TG: variants seen among roughly 807,000 people sequenced by gnomAD.
TG encodes thyroid hormones.
In TG, 270 loss-of-function variants were observed where a neutral mutation model predicts 324.7. That is an observed-to-expected ratio of 0.83 (90% CI 0.75 to 0.92). The LOEUF is 0.92. TG is among the 40% of genes least tolerant of loss of function. TG has a pLI of 0.00. For missense variants in TG, 3,591 were observed against 3,456.4 expected, an observed-to-expected ratio of 1.04 and a Z score of -0.98; for synonymous variants, 1,401 against 1,327.0, an observed-to-expected ratio of 1.06 and a Z score of -1.21.
chr8:132,878,652 T>C (rs1814207860), intron 5 of TG, among the ~76,000 whole-genome samples: 1 of 151,410 alleles, frequency 6.6e-6, no homozygotes. Context: ...CTCCAGGTGC[T>C]GTATTTCAGA....
intron 10 of TG, among the ~76,000 whole-genome samples, chr8:132,888,855 C>T (rs942829204): frequency 6.6e-6 from 1 of 152,194 alleles, no homozygotes; most frequent in Admixed American, 6.5e-5. Context: ...TGTGTGCAAG[C>T]ATCTTCATCT....
rs150194511 is a variant in TG, at chr8:132,977,933, G to A, written c.6199+5192G>A. ...CACCTTGGAAGCACAGAGGGTAGAAGTCCCTGCCCACAAAGGGTTGACAGT... is the reference window on the plus strand; with the variant it reads ...CACCTTGGAAGCACAGAGGGTAGAAATCCCTGCCCACAAAGGGTTGACAGT... On this transcript the variant is annotated intron_variant, in intron 34 of 47. Coordinates refer to ENST00000220616, the MANE Select transcript of TG (RefSeq NM_003235.5). Among the ~76,000 whole-genome samples the A allele has an allele frequency of 2.9e-4, 44 of 152,346 alleles. No homozygotes were observed. In the East Asian group the frequency reaches 8.5e-3, roughly 29 times the overall value.
intron 5 of TG, among the ~76,000 whole-genome samples, chr8:132,876,489 C>A (rs1404621940): frequency 2.0e-5 from 3 of 152,118 alleles, no homozygotes; most frequent in Non-Finnish European, 4.4e-5. Flanking sequence ...CCTGGGGCCA[C>A]CAGAAGGCTG....
At chr8:132,965,714 C>G (rs1410221932) in intron 29 of TG, among the ~76,000 whole-genome samples, 5 of 152,214 alleles carry the variant, frequency 3.3e-5, no homozygotes, top group Non-Finnish European at 5.9e-5. Context: ...ACAAGCTGCA[C>G]TAGCTGGGTG....
At chr8:132,905,575 T>G (rs1253813914) in intron 16 of TG, among the ~76,000 whole-genome samples, 2 of 152,012 alleles carry the variant, frequency 1.3e-5, no homozygotes, top group Non-Finnish European at 2.9e-5. Flanking sequence ...TCACGATGAG[T>G]GTGTTTGCTC....
intron 27 of TG, among the ~76,000 whole-genome samples, chr8:132,957,764 C>CACACACACACACACACACACACACACAG: frequency 1.5e-5 from 2 of 135,416 alleles, no homozygotes; most frequent in South Asian, 2.4e-4. Flanking sequence ...CACACACACA[C>CACACACACACACACACACACACACACAG]ACACACACAC....
intron 41 of TG, chr8:133,063,610 A>T (rs1314517047): frequency 1.3e-5 from 2 of 152,140 alleles, no homozygotes; most frequent in African/African-American, 4.8e-5. Context: ...AGTTTGAGTC[A>T]GTCCTAGAGG....
chr8:133,118,191 T>C (rs1850850723), intron 45 of TG, among the ~76,000 whole-genome samples: 1 of 152,130 alleles, frequency 6.6e-6, no homozygotes, highest in South Asian at 2.1e-4. Context: ...TGGCCAGTGA[T>C]TTGGCCACCT....
intron 41 of TG, among the ~76,000 whole-genome samples, chr8:133,035,571 T>C (rs1227638958): frequency 6.6e-6 from 1 of 152,268 alleles, no homozygotes; most frequent in Admixed American, 6.5e-5. Context: ...TATTGACTTA[T>C]CTATTTGTCC....
chr8:132,869,692 C>T lies in TG; in HGVS notation c.177-37C>T, dbSNP rs753530383. On this transcript the variant is annotated intron_variant, in intron 2 of 47. Transcript: ENST00000220616. ...GGAGCCGGCATGTGGCTTTGGGGGC[C>T]CATCCCAGGGTCACCTGGTCTGTGT... is the stretch of plus-strand genomic sequence containing the variant. 8 of 1,574,006 alleles carry T rather than the reference C, an allele frequency of 5.1e-6. No individual in the cohort carries two copies. The Middle Eastern group carries it at 1.3e-3, about 263-fold the overall frequency.
intron 41 of TG, among the ~76,000 whole-genome samples, chr8:133,083,380 C>T (rs1456785909): frequency 6.6e-6 from 1 of 152,194 alleles, no homozygotes; most frequent in African/African-American, 2.4e-5. Flanking sequence ...GTTATCTCAT[C>T]AATTCATCTT....
intron 35 of TG, chr8:133,002,621 T>C: frequency 4.6e-6 from 1 of 218,254 alleles, no homozygotes; most frequent in Non-Finnish European, 8.8e-6. Flanking sequence ...CATGAACTCA[T>C]AGGGAATAGG....
At chr8:133,101,509 C>T (rs1399321475) in intron 43 of TG, among the ~76,000 whole-genome samples, 3 of 152,162 alleles carry the variant, frequency 2.0e-5, no homozygotes, top group Non-Finnish European at 4.4e-5. Context: ...TTACTCCATC[C>T]TCTGTCCTTT....
At position 133,029,946 on chromosome 8, in the gene TG, G is replaced by A. The variant is rs777005576; in HGVS notation, c.7162G>A (p.Gly2388Arg). The stretch of plus-strand genomic sequence containing the variant: ...CGTGTCCCTGGCAGCAGACCGTGGC[G>A]GGGCTGATGTGGCCAGCATCCACCT... ...RRVSLAADRG[G>R]ADVASIHLLT... The change falls in exon 41 of 48, where the codon GGG (glycine) becomes AGG (arginine). Residue 2388 changes from glycine (G) to arginine (R), a missense_variant. Gly to Arg is a moderately radical substitution (Grantham distance 125, BLOSUM62 -2). Coordinates refer to ENST00000220616, the MANE Select transcript of TG (RefSeq NM_003235.5). 1.4e-5 allele frequency: 22 copies of A among 1,614,118 alleles called. No individual in the cohort carries two copies. The highest frequency in any genetic ancestry group is 1.2e-4 in the South Asian group (11 of 91,092).
chr8:133,108,358 A>T (rs936042401), intron 43 of TG, among the ~76,000 whole-genome samples: 2 of 152,078 alleles, frequency 1.3e-5, no homozygotes, highest in Admixed American at 6.5e-5. Flanking sequence ...CTCAGTGGGG[A>T]CAAAGCTCTG....
chr8:133,021,999 C>A lies in TG; in HGVS notation c.6885C>A (p.Asn2295Lys), dbSNP rs149348416. Reference protein sequence around the residue: ...NVFIPQNVAPNASVLVFFHNT... With the variant: ...NVFIPQNVAPKASVLVFFHNT... ...TTCTCCAATACCCACAGGCCCCTAACGCGTCTGTGCTGGTGTTCTTCCACA... is the reference window on the plus strand; with the variant it reads ...TTCTCCAATACCCACAGGCCCCTAAAGCGTCTGTGCTGGTGTTCTTCCACA... The change falls in exon 40 of 48, where the codon AAC (asparagine) becomes AAA (lysine). Residue 2295 changes from asparagine to lysine, a missense_variant. Asn to Lys is a moderately conservative substitution (Grantham distance 94). Transcript: ENST00000220616. 3.1e-6 allele frequency: 5 copies of A among 1,614,036 alleles called. No individual in the cohort carries two copies. The highest frequency in any genetic ancestry group is 2.7e-5 in the African/African-American group (2 of 74,910).
At chr8:133,073,656 A>G (rs1844415117) in intron 41 of TG, among the ~76,000 whole-genome samples, 1 of 152,242 alleles carries the variant, frequency 6.6e-6, no homozygotes, top group South Asian at 2.1e-4. Flanking sequence ...CTTGCAGCTC[A>G]GCATCTCATA....
intron 41 of TG, chr8:133,050,757 C>T: frequency 8.9e-7 from 1 of 1,122,896 alleles, no homozygotes; most frequent in East Asian, 2.3e-5. Context: ...AAATACTTTT[C>T]TCCCAAACCA....
intron 27 of TG, among the ~76,000 whole-genome samples, chr8:132,957,742 T>TACACACAC (rs6150825): frequency 6.3e-4 from 26 of 41,590 alleles, no homozygotes; most frequent in East Asian, 1.2e-3. Flanking sequence ...CATGGTAAAC[T>TACACACAC]ACACACACAC....
Sources: allele counts gnomAD v4.1 joint callset (sites outside exome capture counted in the v4.1 genomes callset), GRCh38; gene constraint gnomAD v4.1.1; transcripts MANE v1.5; gene names NCBI Gene and HGNC (gene_info 2026-07-23, HGNC 2026-07-21).